Variants in SLC36A1 observed in about 807,000 individuals in gnomAD.
SLC36A1 encodes proton-coupled amino acid transporter 1.
In SLC36A1, 30 loss-of-function variants were observed where a neutral mutation model predicts 47.5. The observed-to-expected ratio is 0.63, with a 90% CI of 0.47 to 0.86. SLC36A1 has a LOEUF of 0.86. SLC36A1 is among the 40% of genes least tolerant of loss of function. SLC36A1 has a pLI of 0.00. For synonymous variants in SLC36A1, 255 were observed against 249.7 expected (o/e 1.02, Z -0.20); for missense variants, 517 against 606.0 (o/e 0.85, Z 1.54).
At chr5:151,450,290 C>T (rs1753446715) in intron 1 of SLC36A1, among the ~76,000 whole-genome samples, 2 of 151,666 alleles carry the variant, frequency 1.3e-5, no homozygotes, top group African/African-American at 4.9e-5. Flanking sequence ...GAGCTGATGT[C>T]CACTTACTAG....
At chr5:151,475,231 AG>A (rs1262672121) in intron 8 of SLC36A1, among the ~76,000 whole-genome samples, 1 of 152,242 alleles carries the variant, frequency 6.6e-6, no homozygotes, top group Admixed American at 6.5e-5. Flanking sequence ...AGGCTGAGAA[AG>A]TGTGGAAAGA....
At chr5:151,539,582 T>A in the SLC36A1 span, among the ~76,000 whole-genome samples, 3 of 152,218 alleles carry the variant, frequency 2.0e-5, no homozygotes, top group Non-Finnish European at 2.9e-5. Flanking sequence ...CTGTGCATTT[T>A]TATATATATA....
chr5:151,504,347 G>A, the SLC36A1 span: 1 of 152,648 alleles, frequency 6.6e-6, no homozygotes. Flanking sequence ...GGGAGGGAGT[G>A]GTGAGGTCAC....
intron 2 of SLC36A1, among the ~76,000 whole-genome samples, chr5:151,460,149 C>G (rs1157414362): frequency 6.6e-6 from 1 of 152,198 alleles, no homozygotes; most frequent in African/African-American, 2.4e-5. Flanking sequence ...ATTGGCAGCC[C>G]CCATGCAGAA....
chr5:151,382,005 G>A, the SLC36A1 span: 2 of 600,382 alleles, frequency 3.3e-6, no homozygotes, highest in Admixed American at 5.5e-5. Flanking sequence ...GCTAAAAATG[G>A]CAGTGCTTAT....
At chr5:151,534,137 G>T in the SLC36A1 span, among the ~76,000 whole-genome samples, 1 of 152,126 alleles carries the variant, frequency 6.6e-6, no homozygotes, top group Non-Finnish European at 1.5e-5. Flanking sequence ...TGGTTAAATG[G>T]CAGTATTGAA....
At chr5:151,447,972 C>T (rs1322588538) in intron 1 of SLC36A1, 159 bp downstream of exon 1, 1 of 152,324 alleles carries the variant, frequency 6.6e-6, no homozygotes, top group Non-Finnish European at 1.5e-5. Flanking sequence ...GTTGGGATCT[C>T]ACCGTCCTGT....
At chr5:151,505,119 G>A in the SLC36A1 span, 3 of 251,016 alleles carry the variant, frequency 1.2e-5, no homozygotes, top group Non-Finnish European at 2.3e-5. Context: ...TCCTCTGTAC[G>A]GCCCGCGTAG....
At chr5:151,521,089 G>A in the SLC36A1 span, among the ~76,000 whole-genome samples, 3 of 152,206 alleles carry the variant, frequency 2.0e-5, no homozygotes, top group South Asian at 6.2e-4. Context: ...AGGGAGCTGA[G>A]AATTGGGTAT....
At chr5:151,539,582 T>C in the SLC36A1 span, among the ~76,000 whole-genome samples, 56 of 152,336 alleles carry the variant, frequency 3.7e-4, no homozygotes, top group African/African-American at 1.3e-3. Context: ...CTGTGCATTT[T>C]TATATATATA....
At chr5:151,433,537 C>T (rs372567549), upstream of SLC36A1, among the ~76,000 whole-genome samples, 362 of 151,168 alleles carry the variant, frequency 2.4e-3, 1 homozygote, top group Middle Eastern at 0.01. Context: ...GTGATCCGCC[C>T]GCCTTGGCCT....
At chr5:151,459,077 C>A in intron 2 of SLC36A1, 142 bp downstream of exon 2, 1 of 898,736 alleles carries the variant, frequency 1.1e-6, no homozygotes, top group Non-Finnish European at 1.6e-6. Flanking sequence ...AGTGACTGCG[C>A]TGAGATTTGC....
chr5:151,542,889 T>C, the SLC36A1 span: 18 of 1,614,096 alleles, frequency 1.1e-5, no homozygotes, highest in Non-Finnish European at 1.5e-5. Flanking sequence ...TTATGACCCC[T>C]GTGTCTGGGT....
At chr5:151,507,597 G>A in the SLC36A1 span, 62 of 1,599,654 alleles carry the variant, frequency 3.9e-5, 2 homozygotes, top group Admixed American at 6.5e-4. Context: ...ACAACCCCTC[G>A]CCTCCATTTC....
intron 10 of SLC36A1, among the ~76,000 whole-genome samples, chr5:151,487,201 A>C (rs1759680305): frequency 6.6e-6 from 1 of 152,230 alleles, no homozygotes; most frequent in Non-Finnish European, 1.5e-5. Context: ...GCGTGGGGTC[A>C]GTGGGCACTA....
At chr5:151,477,151 C>T (rs973382236) in intron 9 of SLC36A1, among the ~76,000 whole-genome samples, 4 of 152,210 alleles carry the variant, frequency 2.6e-5, no homozygotes, top group African/African-American at 9.7e-5. Context: ...CAGATGGGAG[C>T]ATCTCACTGT....
the SLC36A1 span, among the ~76,000 whole-genome samples, chr5:151,380,102 C>T: frequency 6.6e-6 from 1 of 151,926 alleles, no homozygotes; most frequent in South Asian, 2.1e-4. Context: ...TTGAAAAGAT[C>T]AATAAAATCT....
chr5:151,371,727 G>C, the SLC36A1 span, among the ~76,000 whole-genome samples: 1 of 152,048 alleles, frequency 6.6e-6, no homozygotes, highest in Non-Finnish European at 1.5e-5. Flanking sequence ...TCTTCTTTTA[G>C]TTTTTAGTTT....
the SLC36A1 span, among the ~76,000 whole-genome samples, chr5:151,393,348 CTT>C: frequency 3.9e-5 from 6 of 152,168 alleles, no homozygotes; most frequent in African/African-American, 1.2e-4. Context: ...GGTCTTGACT[CTT>C]TATCCAATTT....
Sources: gnomAD v4.1 joint callset for allele counts (sites outside exome capture counted in the v4.1 genomes callset) on GRCh38, gnomAD v4.1.1 for gene constraint, MANE v1.5 for transcripts, NCBI Gene and HGNC (gene_info 2026-07-23, HGNC 2026-07-21) for gene names.